Variants in CSGALNACT1 observed in about 807,000 individuals in gnomAD.
The protein encoded by CSGALNACT1 is beta4GalNAcT-1.
A neutral mutation model predicts 51.0 loss-of-function variants in CSGALNACT1; 52 were observed. The ratio of observed to expected loss-of-function variants is 1.02; its 90% CI spans 0.82 to 1.29. The LOEUF is 1.29. Ranked by LOEUF, CSGALNACT1 falls within the 50% of genes most tolerant of loss-of-function variation. The probability of loss-of-function intolerance (pLI) is 0.00; values close to 1 mark genes in which losing one functional copy is unlikely to be tolerated. For missense variants in CSGALNACT1, 935 were observed against 679.2 expected (o/e 1.38, Z -4.19); for synonymous variants, 341 against 254.4 (o/e 1.34, Z -3.24).
chr8:19,499,680 A>G (rs2076086798), intron 4 of CSGALNACT1, among the ~76,000 whole-genome samples: 1 of 152,350 alleles, frequency 6.6e-6, no homozygotes, highest in East Asian at 1.9e-4. Context: ...TGTGAGACTC[A>G]TAATTCCATG....
chr8:19,532,171 T>TAA (rs113232417), intron 3 of CSGALNACT1, among the ~76,000 whole-genome samples: 22,398 of 147,748 alleles, frequency 0.15, 1,717 homozygotes, highest in Middle Eastern at 0.21. Flanking sequence ...TTTTGGAAAT[T>TAA]AAAAAAAAAA....
intron 1 of CSGALNACT1, among the ~76,000 whole-genome samples, chr8:19,637,502 A>C (rs766932329): frequency 7.9e-5 from 12 of 152,182 alleles, no homozygotes; most frequent in Non-Finnish European, 1.8e-4. Context: ...ATTCCCCCCG[A>C]AGGCTGATAT....
intron 3 of CSGALNACT1, among the ~76,000 whole-genome samples, chr8:19,562,971 T>A (rs560287533): frequency 2.0e-4 from 30 of 152,336 alleles, no homozygotes; most frequent in African/African-American, 7.2e-4. Context: ...TAAAGATACA[T>A]GCACATGTAT....
At chr8:19,578,947 C>A (rs1023237118) in intron 3 of CSGALNACT1, among the ~76,000 whole-genome samples, 2 of 152,182 alleles carry the variant, frequency 1.3e-5, no homozygotes, top group Non-Finnish European at 2.9e-5. Flanking sequence ...CCACGCTGGT[C>A]TCAAACTCCT....
chr8:19,470,445 C>T (rs926508573), intron 4 of CSGALNACT1, among the ~76,000 whole-genome samples: 1 of 152,074 alleles, frequency 6.6e-6, no homozygotes, highest in South Asian at 2.1e-4. Flanking sequence ...GACATCAGCA[C>T]GCGCATTCAG....
rs141051837 is a variant in CSGALNACT1 at position 19,422,906 on chromosome 8, G to A, written c.954-2388C>T. ...AGTCCATCTTGCTTTAACTTTCTAT[G>A]TATTTAATATATACAGCCAGTAGCA... is the stretch of plus-strand genomic sequence containing the variant. On this transcript the variant is annotated intron_variant, in intron 6 of 9. Coordinates refer to ENST00000454498, the Ensembl canonical transcript of CSGALNACT1. 6.7e-3 allele frequency among the ~76,000 whole-genome samples: 1,022 copies of A among 152,290 alleles called. 11 individuals carry two copies. The highest frequency in any genetic ancestry group is 0.023 in the African/African-American group (976 of 41,548).
At chr8:19,692,479 T>C (rs778767570) in intron 1 of CSGALNACT1, among the ~76,000 whole-genome samples, 43 of 152,116 alleles carry the variant, frequency 2.8e-4, no homozygotes, top group Non-Finnish European at 1.5e-4. Context: ...GTAAGGGAGA[T>C]AGATGGTGAT....
chr8:19,746,138 A>G (rs371632088), intron 1 of CSGALNACT1, among the ~76,000 whole-genome samples: 91 of 152,290 alleles, frequency 6.0e-4, no homozygotes, highest in African/African-American at 2.1e-3. Context: ...CATCAGTTCT[A>G]TGGGAAAATT....
chr8:19,752,608 C>T (rs1450727794), intron 1 of CSGALNACT1, among the ~76,000 whole-genome samples: 1 of 152,200 alleles, frequency 6.6e-6, no homozygotes, highest in East Asian at 1.9e-4. Context: ...TTCCTAGTAT[C>T]AAGCTGCAGT....
chr8:19,595,181 A>G (rs2048635456), intron 2 of CSGALNACT1, among the ~76,000 whole-genome samples: 1 of 152,180 alleles, frequency 6.6e-6, no homozygotes, highest in Non-Finnish European at 1.5e-5. Context: ...AACTATCATT[A>G]ATTTTGTTAA....
At chr8:19,589,424 C>T (rs1002283734) in intron 3 of CSGALNACT1, among the ~76,000 whole-genome samples, 34 of 152,184 alleles carry the variant, frequency 2.2e-4, no homozygotes, top group African/African-American at 8.0e-4. Flanking sequence ...CTCCCAGGTT[C>T]AAACAATTAT....
chr8:19,425,582 G>A (rs1447746907), intron 6 of CSGALNACT1, among the ~76,000 whole-genome samples: 1 of 152,132 alleles, frequency 6.6e-6, no homozygotes, highest in African/African-American at 2.4e-5. Flanking sequence ...CACAAGAGTG[G>A]AAGCATCTAC....
intron 1 of CSGALNACT1, among the ~76,000 whole-genome samples, chr8:19,676,372 G>T (rs147933560): frequency 3.3e-4 from 50 of 152,216 alleles, no homozygotes; most frequent in African/African-American, 1.2e-3. Context: ...CAGGGAAACA[G>T]GAACTATAAA....
At chr8:19,428,151 G>A in intron 6 of CSGALNACT1, among the ~76,000 whole-genome samples, 1 of 152,122 alleles carries the variant, frequency 6.6e-6, no homozygotes, top group Non-Finnish European at 1.5e-5. Context: ...CTCCTGTCTT[G>A]CCCTGCACCC....
intron 4 of CSGALNACT1, among the ~76,000 whole-genome samples, chr8:19,462,945 T>C (rs2065873519): frequency 6.6e-6 from 1 of 152,116 alleles, no homozygotes; most frequent in Non-Finnish European, 1.5e-5. Flanking sequence ...TAGTACCCAA[T>C]AGGTGGTTTT....
At chr8:19,660,659 T>C (rs2058674466) in intron 1 of CSGALNACT1, among the ~76,000 whole-genome samples, 1 of 151,994 alleles carries the variant, frequency 6.6e-6, no homozygotes, top group South Asian at 2.1e-4. Flanking sequence ...AAGGAAACAC[T>C]CCCCTCTTAC....
chr8:19,460,318 A>G (rs1053222082), intron 4 of CSGALNACT1, among the ~76,000 whole-genome samples: 2 of 152,130 alleles, frequency 1.3e-5, no homozygotes, highest in Admixed American at 1.3e-4. Context: ...TTATATTGTT[A>G]TGATTATTCT....
intron 1 of CSGALNACT1, among the ~76,000 whole-genome samples, chr8:19,746,108 T>C (rs187228934): frequency 1.0e-3 from 156 of 152,282 alleles, no homozygotes; most frequent in African/African-American, 3.7e-3. Context: ...TTTCTATGTT[T>C]ATTCAAAAGA....
At chr8:19,604,252 G>A (rs1564236790), upstream of CSGALNACT1, among the ~76,000 whole-genome samples, 1 of 152,106 alleles carries the variant, frequency 6.6e-6, no homozygotes, top group South Asian at 2.1e-4. Flanking sequence ...GTGACCTGCA[G>A]GTATACTACC....
Sources: gnomAD v4.1 joint callset for allele counts (sites outside exome capture counted in the v4.1 genomes callset) on GRCh38, gnomAD v4.1.1 for gene constraint, MANE v1.5 for transcripts, NCBI Gene and HGNC (gene_info 2026-07-23, HGNC 2026-07-21) for gene names.